SOX6: variants seen among roughly 807,000 people sequenced by gnomAD.
SOX6 encodes the protein SRY-box transcription factor 6.
Under a neutral mutation model 97.8 loss-of-function variants are expected in SOX6, and 11 were observed. The ratio of observed to expected loss-of-function variants is 0.11; its 90% CI spans 0.07 to 0.19. The LOEUF (loss-of-function observed/expected upper bound fraction) is 0.19, where lower values mean the gene tolerates loss of function less well. Ranked by LOEUF, SOX6 falls within the 10% of genes least tolerant of loss-of-function variation. The pLI is 1.00. For synonymous variants in SOX6, 360 were observed against 371.4 expected (o/e 0.97, Z 0.35); for missense variants, 810 against 1,039.5 (o/e 0.78, Z 3.04).
intron 4 of SOX6, among the ~76,000 whole-genome samples, chr11:16,515,438 T>C (rs377479552): frequency 0.038 from 5,459 of 143,344 alleles, 124 homozygotes; most frequent in Non-Finnish European, 0.056. Flanking sequence ...TTGTAGATTC[T>C]GGATATTAGC....
rs141232024 is a variant in SOX6 at position 16,569,313 on chromosome 11, C to G, written n.609+42768G>C. ...AAAACAAAATGCCAGTGCAACAAAA[C>G]AGTCAGAGCTCACTCTATTCACTGG... On this transcript the variant is annotated intron_variant and non_coding_transcript_variant, in intron 4 of 5. Coordinates refer to the SOX6 transcript ENST00000524520. Among the ~76,000 whole-genome samples the G allele has an allele frequency of 6.9e-3, 1,046 of 152,224 alleles. 6 individuals are homozygous for G. Among genetic ancestry groups the G allele is most frequent in the Non-Finnish European group, 0.012 (804 of 68,004 alleles).
intron 3 of SOX6, among the ~76,000 whole-genome samples, chr11:16,685,525 A>G (rs184309963): frequency 6.6e-6 from 1 of 152,368 alleles, no homozygotes; most frequent in East Asian, 1.9e-4. Flanking sequence ...GCTCCAAAAT[A>G]ATTTCCTCTG....
chr11:16,004,751 TAGTC>T (rs1469498213), intron 13 of SOX6, among the ~76,000 whole-genome samples: 1 of 152,088 alleles, frequency 6.6e-6, no homozygotes, highest in Non-Finnish European at 1.5e-5. Context: ...GCAACCAATT[TAGTC>T]AGCTCATCTT....
At chr11:16,697,376 G>A (rs1848061657) in intron 3 of SOX6, among the ~76,000 whole-genome samples, 1 of 152,150 alleles carries the variant, frequency 6.6e-6, no homozygotes, top group Admixed American at 6.5e-5. Flanking sequence ...GCTCATGCCT[G>A]TAATCCCAGC....
intron 1 of SOX6, among the ~76,000 whole-genome samples, chr11:16,446,365 G>C (rs1347551920): frequency 1.3e-5 from 2 of 151,702 alleles, no homozygotes; most frequent in African/African-American, 4.8e-5. Flanking sequence ...TTGGAGAGAG[G>C]GAAAAAGAGA....
intron 13 of SOX6, among the ~76,000 whole-genome samples, chr11:16,006,080 G>T (rs12278364): frequency 2.3e-3 from 348 of 151,878 alleles, no homozygotes; most frequent in Non-Finnish European, 3.7e-3. Flanking sequence ...CAGGAGGAGA[G>T]GAGGAAAGGA....
chr11:15,991,481 ATTACT>A (rs1564896849), intron 13 of SOX6, among the ~76,000 whole-genome samples: 3 of 152,232 alleles, frequency 2.0e-5, no homozygotes, highest in African/African-American at 7.2e-5. Context: ...CCTCAGTGCC[ATTACT>A]TTACAACTGA....
chr11:16,022,829 C>T (rs1855107856), intron 12 of SOX6, among the ~76,000 whole-genome samples: 1 of 152,106 alleles, frequency 6.6e-6, no homozygotes, highest in South Asian at 2.1e-4. Flanking sequence ...TCAAGTCTTC[C>T]TTCACCTGTA....
At chr11:16,268,565 C>A (rs1014414339) in intron 3 of SOX6, among the ~76,000 whole-genome samples, 1 of 151,104 alleles carries the variant, frequency 6.6e-6, no homozygotes, top group African/African-American at 2.4e-5. Flanking sequence ...TCAAAATATA[C>A]GTATCACAAA....
At chr11:16,168,106 T>C (rs997673169) in intron 6 of SOX6, among the ~76,000 whole-genome samples, 1 of 152,142 alleles carries the variant, frequency 6.6e-6, no homozygotes, top group Non-Finnish European at 1.5e-5. Flanking sequence ...GGAATAGACA[T>C]ATAAATTGGA....
chr11:16,040,394 A>G (rs1342786811), intron 12 of SOX6, among the ~76,000 whole-genome samples: 1 of 152,052 alleles, frequency 6.6e-6, no homozygotes, highest in Admixed American at 6.6e-5. Flanking sequence ...AAAGAACTTA[A>G]TGATTACATT....
At chr11:16,040,312 TG>T (rs1855626490) in intron 12 of SOX6, among the ~76,000 whole-genome samples, 1 of 152,058 alleles carries the variant, frequency 6.6e-6, no homozygotes, top group Non-Finnish European at 1.5e-5. Context: ...AGTTTGTTGT[TG>T]TTTTTTATGA....
At chr11:16,324,263 T>C (rs1195216895) in intron 2 of SOX6, among the ~76,000 whole-genome samples, 2 of 152,096 alleles carry the variant, frequency 1.3e-5, no homozygotes, top group African/African-American at 2.4e-5. Context: ...CAGGATTGCT[T>C]AAGCTAAACA....
At chr11:16,195,597 T>C (rs1438266134) in intron 4 of SOX6, among the ~76,000 whole-genome samples, 1 of 152,100 alleles carries the variant, frequency 6.6e-6, no homozygotes, top group Admixed American at 6.5e-5. Flanking sequence ...TGAAAACAGA[T>C]CTTGACATTA....
At chr11:16,550,361 T>G (rs900004089) in intron 4 of SOX6, among the ~76,000 whole-genome samples, 2 of 152,058 alleles carry the variant, frequency 1.3e-5, no homozygotes, top group African/African-American at 4.8e-5. Flanking sequence ...ATATACCTAA[T>G]GTAAATGACG....
intron 3 of SOX6, chr11:16,317,803 T>G (rs1247016641): frequency 4.4e-6 from 1 of 227,274 alleles, no homozygotes; most frequent in Non-Finnish European, 9.0e-6. Context: ...TAACCATCAC[T>G]TAGACTTGAT....
chr11:16,263,701 G>C (rs1020099869), intron 3 of SOX6, among the ~76,000 whole-genome samples: 4 of 151,786 alleles, frequency 2.6e-5, no homozygotes, highest in African/African-American at 4.8e-5. Flanking sequence ...AATTGTTTTG[G>C]GGTGTTCATC....
At chr11:16,728,808 C>T (rs1026927564) in intron 2 of SOX6, among the ~76,000 whole-genome samples, 1 of 151,980 alleles carries the variant, frequency 6.6e-6, no homozygotes, top group African/African-American at 2.4e-5. Context: ...ATGTTCTAAC[C>T]CAATGTGAGG....
intron 4 of SOX6, among the ~76,000 whole-genome samples, chr11:16,556,415 C>T (rs913716988): frequency 6.6e-6 from 1 of 151,688 alleles, no homozygotes; most frequent in South Asian, 2.1e-4. Context: ...TCCACACTTC[C>T]TCCCACTAAA....
Sources: allele counts gnomAD v4.1 joint callset (sites outside exome capture counted in the v4.1 genomes callset), GRCh38; gene constraint gnomAD v4.1.1; transcripts MANE v1.5; gene names NCBI Gene and HGNC (gene_info 2026-07-23, HGNC 2026-07-21).